The following PKIB variants were observed in gnomAD, a reference collection of about 807,000 sequenced individuals.
PKIB encodes the protein cAMP-dependent protein kinase inhibitor beta.
A neutral mutation model predicts 4.5 loss-of-function variants in PKIB; 2 were observed. That is an observed-to-expected ratio of 0.44 (90% CI 0.18 to 1.39). The LOEUF is 1.39. Ranked by LOEUF, PKIB falls within the 40% of genes most tolerant of loss-of-function variation. PKIB has a pLI of 0.27. For missense variants in PKIB, 94 were observed against 92.6 expected, an observed-to-expected ratio of 1.02 and a Z score of -0.06; for synonymous variants, 38 against 36.0, an observed-to-expected ratio of 1.06 and a Z score of -0.20.
chr6:122,524,701 TTAG>T (rs1264347615), intron 2 of PKIB, among the ~76,000 whole-genome samples: 1 of 152,126 alleles, frequency 6.6e-6, no homozygotes, highest in African/African-American at 2.4e-5. Flanking sequence ...TGAGTCAGTC[TTAG>T]TAGTTTTTAT....
At chr6:122,535,337 T>A (rs1181713432) in intron 2 of PKIB, among the ~76,000 whole-genome samples, 2 of 152,192 alleles carry the variant, frequency 1.3e-5, no homozygotes, top group Non-Finnish European at 2.9e-5. Flanking sequence ...TCTTTTTCTT[T>A]CTTCCCTAAA....
intron 2 of PKIB, among the ~76,000 whole-genome samples, chr6:122,553,632 T>C (rs972646056): frequency 2.0e-5 from 3 of 152,032 alleles, no homozygotes; most frequent in African/African-American, 7.2e-5. Flanking sequence ...TCCTTCTTTA[T>C]ATTACCAGAT....
intron 2 of PKIB, among the ~76,000 whole-genome samples, chr6:122,554,165 C>T (rs1772770451): frequency 6.6e-6 from 1 of 152,142 alleles, no homozygotes; most frequent in African/African-American, 2.4e-5. Flanking sequence ...TGCTTATACA[C>T]AAGGACTACT....
intron 2 of PKIB, among the ~76,000 whole-genome samples, chr6:122,638,051 G>T (rs1775992639): frequency 6.6e-6 from 1 of 152,086 alleles, no homozygotes; most frequent in Non-Finnish European, 1.5e-5. Flanking sequence ...TTTCTGTCTT[G>T]AATAATGCAG....
chr6:122,546,841 G>C (rs1383250966), intron 2 of PKIB, among the ~76,000 whole-genome samples: 1 of 152,114 alleles, frequency 6.6e-6, no homozygotes, highest in African/African-American at 2.4e-5. Flanking sequence ...GGATACATAA[G>C]AGTAAGAGAA....
rs192034525 is a variant in PKIB at position 122,725,059 on chromosome 6, G to T, written c.170-69G>T. On this transcript the variant is annotated intron_variant, in intron 4 of 4. Transcript: ENST00000368452. ...ACGGTGGACAAAGGAAAAACCAATGGTTTTATTCTAACATAATACAAAATA... is the reference window on the plus strand; with the variant it reads ...ACGGTGGACAAAGGAAAAACCAATGTTTTTATTCTAACATAATACAAAATA... The T allele has an allele frequency of 2.6e-4, 315 of 1,230,540 alleles. No individual in the cohort carries two copies. The African/African-American group carries it at 3.7e-3, about 15-fold the overall frequency. The allele number at this position is 1,230,540 out of a possible 1,614,324, so 76.2% of individuals were successfully genotyped here.
intron 2 of PKIB, among the ~76,000 whole-genome samples, chr6:122,551,716 A>C (rs760720858): frequency 6.6e-6 from 1 of 151,992 alleles, no homozygotes; most frequent in Non-Finnish European, 1.5e-5. Flanking sequence ...GTTTATGTTC[A>C]CTTTTCCACC....
At chr6:122,674,874 T>A (rs1039103158) in intron 2 of PKIB, among the ~76,000 whole-genome samples, 21 of 152,200 alleles carry the variant, frequency 1.4e-4, no homozygotes, top group African/African-American at 4.6e-4. Context: ...AACTAATAAC[T>A]GTTATTTGAA....
intron 1 of PKIB, among the ~76,000 whole-genome samples, chr6:122,626,356 A>G: frequency 6.6e-6 from 1 of 152,242 alleles, no homozygotes; most frequent in East Asian, 1.9e-4. Flanking sequence ...ATGATCACTT[A>G]TTGAATACCT....
At chr6:122,517,525 A>C (rs556379719) in intron 2 of PKIB, among the ~76,000 whole-genome samples, 1 of 152,308 alleles carries the variant, frequency 6.6e-6, no homozygotes, top group African/African-American at 2.4e-5. Context: ...CTTGGGCCAC[A>C]TGGTCTTTCT....
chr6:122,677,532 T>G (rs571250098), intron 3 of PKIB, among the ~76,000 whole-genome samples: 1 of 152,228 alleles, frequency 6.6e-6, no homozygotes, highest in African/African-American at 2.4e-5. Context: ...TTGGATTGTC[T>G]GCAGTGCATA....
chr6:122,646,302 C>A (rs113080473), intron 2 of PKIB, among the ~76,000 whole-genome samples: 232 of 152,108 alleles, frequency 1.5e-3, no homozygotes, highest in African/African-American at 5.4e-3. Context: ...GAATATCAGC[C>A]CCAGTTACAT....
intron 1 of PKIB, among the ~76,000 whole-genome samples, chr6:122,626,175 G>T (rs974859263): frequency 2.6e-5 from 4 of 152,138 alleles, no homozygotes; most frequent in Non-Finnish European, 5.9e-5. Context: ...ATTTTGTTGT[G>T]AACACTTACT....
At position 122,562,004 on chromosome 6, in the gene PKIB, G is replaced by GTTTTTTTTTTTTTTTTTTTT. The variant is rs758656278; in HGVS notation, c.-247-23902_-247-23901insTTTTTTTTTTTTTTTTTTTT. 4.5e-3 allele frequency among the ~76,000 whole-genome samples: 356 copies of GTTTTTTTTTTTTTTTTTTTT among 79,416 alleles called. 1 individual carries two copies. Among genetic ancestry groups the GTTTTTTTTTTTTTTTTTTTT allele is most frequent in the Middle Eastern group, 9.1e-3 (1 of 110 alleles). The allele number at this position is 79,416 out of a possible 152,430, so 52.1% of individuals were successfully genotyped here. ...TTTTTGTTTGTTTTTGTTTTTTTTT[G>GTTTTTTTTTTTTTTTTTTTT]TTTTTTTTTTTTTTTGCTTTTTAAC... On this transcript the variant is annotated intron_variant, in intron 2 of 6. Transcript: ENST00000392491.
At chr6:122,599,995 A>G (rs1377531825) in intron 3 of PKIB, among the ~76,000 whole-genome samples, 1 of 149,460 alleles carries the variant, frequency 6.7e-6, no homozygotes, top group Non-Finnish European at 1.5e-5. Flanking sequence ...CTATATCTAT[A>G]TCTATATCTA....
intron 2 of PKIB, among the ~76,000 whole-genome samples, chr6:122,541,412 T>G (rs1049662233): frequency 1.3e-5 from 2 of 151,786 alleles, no homozygotes; most frequent in Non-Finnish European, 2.9e-5. Context: ...TGCTTGTCTG[T>G]AAAGTATTTT....
chr6:122,505,631 G>T (rs953079861), intron 2 of PKIB, among the ~76,000 whole-genome samples: 6 of 152,274 alleles, frequency 3.9e-5, no homozygotes, highest in African/African-American at 1.4e-4. Context: ...TCAGGCAGGA[G>T]AGTTGAATGA....
chr6:122,553,478 C>CTTATTTTTTTTTTTTTTTTTTT, intron 2 of PKIB, among the ~76,000 whole-genome samples: 1 of 48,920 alleles, frequency 2.0e-5, no homozygotes, highest in African/African-American at 1.2e-4. Context: ...GCTCAAATAT[C>CTTATTTTTTTTTTTTTTTTTTT]TTCTTTTTTT....
At chr6:122,540,248 T>C (rs1411801122) in intron 2 of PKIB, among the ~76,000 whole-genome samples, 8 of 152,074 alleles carry the variant, frequency 5.3e-5, no homozygotes, top group African/African-American at 1.4e-4. Flanking sequence ...GCTCTTGCTT[T>C]TCTAGTTCTT....
Sources: gnomAD v4.1 joint callset for allele counts (sites outside exome capture counted in the v4.1 genomes callset) on GRCh38, gnomAD v4.1.1 for gene constraint, MANE v1.5 for transcripts, NCBI Gene and HGNC (gene_info 2026-07-23, HGNC 2026-07-21) for gene names.